Variants in CAST observed in about 807,000 individuals in gnomAD.
The protein encoded by CAST is calpastatin.
CAST carries 76 observed loss-of-function variants against 119.6 expected under a neutral mutation model. That is an observed-to-expected ratio of 0.64 (90% confidence interval 0.53 to 0.77). The LOEUF (loss-of-function observed/expected upper bound fraction) is 0.77, where lower values mean the gene tolerates loss of function less well. Among genes scored for constraint, CAST ranks in the 30% least tolerant of loss-of-function variants. The probability of loss-of-function intolerance (pLI) is 0.00; values close to 1 mark genes in which losing one functional copy is unlikely to be tolerated. For missense variants in CAST, 953 were observed against 946.5 expected, an observed-to-expected ratio of 1.01 and a Z score of -0.09; for synonymous variants, 319 against 331.6, an observed-to-expected ratio of 0.96 and a Z score of 0.41.
At chr5:96,745,411 G>A (rs192325512) in intron 16 of CAST, among the ~76,000 whole-genome samples, 11 of 152,230 alleles carry the variant, frequency 7.2e-5, no homozygotes, top group Admixed American at 5.9e-4. Context: ...TATATTTCCT[G>A]TAAAACATGA....
At chr5:96,671,381 T>C (rs1216876840) in intron 1 of CAST, among the ~76,000 whole-genome samples, 3 of 152,228 alleles carry the variant, frequency 2.0e-5, no homozygotes, top group Non-Finnish European at 2.9e-5. Context: ...TTGTTATTTT[T>C]CGTGCCTTTT....
At chr5:96,452,956 C>CAAAA in the CAST span, among the ~76,000 whole-genome samples, 14,457 of 62,276 alleles carry the variant, frequency 0.23, 2,921 homozygotes, top group Non-Finnish European at 0.28. Context: ...GACTCCGTCT[C>CAAAA]AAAAAAAAAA....
chr5:96,478,157 A>G, the CAST span, among the ~76,000 whole-genome samples: 2 of 152,240 alleles, frequency 1.3e-5, no homozygotes, highest in Non-Finnish European at 2.9e-5. Flanking sequence ...TGTTTTGTCA[A>G]AATCAAGCGT....
At chr5:96,681,577 C>CA (rs1353964490) in intron 2 of CAST, among the ~76,000 whole-genome samples, 3 of 151,188 alleles carry the variant, frequency 2.0e-5, no homozygotes, top group African/African-American at 7.3e-5. Flanking sequence ...ACTAAAAATA[C>CA]AAAAAATTAG....
the CAST span, among the ~76,000 whole-genome samples, chr5:96,108,052 C>T: frequency 2.9e-3 from 425 of 147,804 alleles, 1 homozygote; most frequent in Non-Finnish European, 4.1e-3. Context: ...ACGTAGTTCT[C>T]GAGCCTTGGT....
chr5:96,567,190 AC>A (rs539281550), intron 1 of CAST, among the ~76,000 whole-genome samples: 4 of 152,304 alleles, frequency 2.6e-5, no homozygotes, highest in Admixed American at 2.6e-4. Flanking sequence ...TCTAAGTAAG[AC>A]TTGAATCACG....
intron 30 of CAST, 90 bp downstream of exon 30, chr5:96,770,692 T>C: frequency 1.2e-6 from 1 of 860,662 alleles, no homozygotes; most frequent in Admixed American, 1.9e-5. Flanking sequence ...CCTACTGGAA[T>C]CTATTTAGAA....
In CAST at chr5:96,741,476, T is replaced by C; in HGVS notation, c.1012-18T>C. The C allele has an allele frequency of 6.3e-7, 1 of 1,593,068 alleles. No individual in the cohort carries two copies. ...TTTCCTCATCTGTAAGTCTAATCTTTTGTATTTTGTTTTTCAGGAATCTAC... is the reference window on the plus strand; with the variant it reads ...TTTCCTCATCTGTAAGTCTAATCTTCTGTATTTTGTTTTTCAGGAATCTAC... On this transcript the variant is annotated intron_variant, in intron 14 of 31. Transcript: ENST00000675179.
At chr5:96,653,708 T>A (rs1011658782) in intron 1 of CAST, among the ~76,000 whole-genome samples, 1 of 152,184 alleles carries the variant, frequency 6.6e-6, no homozygotes, top group Non-Finnish European at 1.5e-5. Context: ...TAACCCAATA[T>A]TTAGAAGACG....
At chr5:96,251,947 G>C in the CAST span, among the ~76,000 whole-genome samples, 1 of 152,212 alleles carries the variant, frequency 6.6e-6, no homozygotes, top group East Asian at 1.9e-4. Flanking sequence ...CGTTCAGTTA[G>C]AATTGAAATC....
chr5:96,384,906 G>C, the CAST span, among the ~76,000 whole-genome samples: 1 of 152,098 alleles, frequency 6.6e-6, no homozygotes, highest in Admixed American at 6.6e-5. Flanking sequence ...AAAAACTCAG[G>C]TTTTGTCCAC....
chr5:96,364,832 G>A, the CAST span, among the ~76,000 whole-genome samples: 4 of 152,160 alleles, frequency 2.6e-5, no homozygotes, highest in Non-Finnish European at 5.9e-5. Flanking sequence ...CATCAGTTCT[G>A]CTGTGATCTT....
At chr5:96,030,578 G>A in the CAST span, among the ~76,000 whole-genome samples, 1 of 152,128 alleles carries the variant, frequency 6.6e-6, no homozygotes. Context: ...ATTATTTGCA[G>A]CCCCTTTAAA....
At chr5:96,361,549 G>A in the CAST span, among the ~76,000 whole-genome samples, 517 of 152,256 alleles carry the variant, frequency 3.4e-3, 2 homozygotes, top group South Asian at 7.0e-3. Flanking sequence ...TGTTCCTCAC[G>A]GCATGGTCCC....
At chr5:96,651,984 A>G (rs1041251103) in intron 1 of CAST, among the ~76,000 whole-genome samples, 2 of 152,206 alleles carry the variant, frequency 1.3e-5, no homozygotes, top group African/African-American at 4.8e-5. Flanking sequence ...CAGCCCTGCA[A>G]GGTATATATT....
At chr5:96,494,534 A>T in the CAST span, among the ~76,000 whole-genome samples, 1 of 152,222 alleles carries the variant, frequency 6.6e-6, no homozygotes, top group Non-Finnish European at 1.5e-5. Context: ...CAAATCCCTA[A>T]AAATGAAGCA....
At chr5:96,742,336 C>CT (rs1216434796) in intron 15 of CAST, 303 of 202,230 alleles carry the variant, frequency 1.5e-3, no homozygotes, top group African/African-American at 6.6e-3. Flanking sequence ...TTACTACTTG[C>CT]TTCTTTTTTT....
chr5:96,592,246 G>A (rs1561424838), intron 1 of CAST, among the ~76,000 whole-genome samples: 1 of 152,042 alleles, frequency 6.6e-6, no homozygotes, highest in East Asian at 1.9e-4. Context: ...TAGAAATACA[G>A]GGGGATTGGC....
At chr5:95,974,517 A>G in the CAST span, among the ~76,000 whole-genome samples, 10 of 152,224 alleles carry the variant, frequency 6.6e-5, no homozygotes, top group Non-Finnish European at 1.2e-4. Flanking sequence ...TGTGTTATGA[A>G]TTCTTTAATA....
Sources: gnomAD v4.1 joint callset for allele counts (sites outside exome capture counted in the v4.1 genomes callset) on GRCh38, gnomAD v4.1.1 for gene constraint, MANE v1.5 for transcripts, NCBI Gene and HGNC (gene_info 2026-07-23, HGNC 2026-07-21) for gene names.